The following TMEM244 variants were observed in gnomAD, a reference collection of about 807,000 sequenced individuals.
TMEM244 encodes putative transmembrane protein 244.
Under a neutral mutation model 15.8 loss-of-function variants are expected in TMEM244, and 13 were observed. The ratio of observed to expected loss-of-function variants is 0.82; its 90% confidence interval spans 0.53 to 1.30. TMEM244 has a LOEUF of 1.30. Ranked by LOEUF, TMEM244 falls within the 50% of genes most tolerant of loss-of-function variation. The pLI is 0.00. For missense variants in TMEM244, 161 were observed against 144.9 expected (o/e 1.11, Z -0.57); for synonymous variants, 45 against 48.7 (o/e 0.92, Z 0.32).
chr6:129,847,000 G>A (rs1240114449), intron 1 of TMEM244, among the ~76,000 whole-genome samples: 1 of 152,138 alleles, frequency 6.6e-6, no homozygotes, highest in Non-Finnish European at 1.5e-5. Flanking sequence ...TAAATTTCAA[G>A]GGGATTAAAG....
At position 129,861,257 on chromosome 6, in the gene TMEM244, A is replaced by G. The variant is rs1362068285; in HGVS notation, c.-69T>C. The G allele has an allele frequency of 1.9e-6, 3 of 1,560,902 alleles. No individual in the cohort carries two copies. The highest frequency in any genetic ancestry group is 2.6e-6 in the Non-Finnish European group (3 of 1,135,154). ...ATAGCGATGACATCTGGAAGAAGAC[A>G]CAATTGTCACCGTGAGCTTTTCAAT... On this transcript the variant is annotated 5_prime_UTR_variant, in exon 1 of 5. Coordinates refer to ENST00000368143, the MANE Select transcript of TMEM244 (RefSeq NM_001010876.2).
At chr6:129,834,876 T>C (rs1434725224) in intron 3 of TMEM244, among the ~76,000 whole-genome samples, 1 of 152,158 alleles carries the variant, frequency 6.6e-6, no homozygotes, top group Non-Finnish European at 1.5e-5. Flanking sequence ...GACATTATTG[T>C]AGGGAAACAG....
In TMEM244 at chr6:129,845,843, G is replaced by C. The variant is rs1480093312; in HGVS notation, c.43C>G (p.Gln15Glu). 1 of 1,612,266 alleles carries C rather than the reference G, an allele frequency of 6.2e-7. No individual in the cohort carries two copies. The change falls in exon 2 of 5, where the codon CAG becomes GAG. Residue 15 changes from glutamine to glutamate, a missense_variant. Gln to Glu is a conservative substitution (Grantham distance 29). Transcript: ENST00000368143. ...AGAATGACACATAGAAGAAACTTCT[G>C]CAAAACAACCTGTGGAGAAAACAGG... is the stretch of plus-strand genomic sequence containing the variant. ...VRVAPSKVVL[Q>E]KFLLCVILFY...
intron 1 of TMEM244, among the ~76,000 whole-genome samples, chr6:129,854,406 G>C (rs535070339): frequency 1.3e-5 from 2 of 152,296 alleles, no homozygotes; most frequent in East Asian, 3.9e-4. Flanking sequence ...TAATTATCAA[G>C]TGTTGACATT....
chr6:129,860,308 A>G (rs1776784204), intron 1 of TMEM244, among the ~76,000 whole-genome samples: 1 of 152,178 alleles, frequency 6.6e-6, no homozygotes, highest in South Asian at 2.1e-4. Flanking sequence ...ACGAAGTTTA[A>G]TAACCCCTTA....
At chr6:129,850,029 T>G (rs374411119) in intron 1 of TMEM244, among the ~76,000 whole-genome samples, 1 of 152,302 alleles carries the variant, frequency 6.6e-6, no homozygotes, top group South Asian at 2.1e-4. Flanking sequence ...GTAGAATCCT[T>G]TTTTAGAGAG....
Position 129,861,288 on chromosome 6 carries a change from C to T in TMEM244, c.-100G>A. ...GTCACCGTGAGCTTTTCAATTACTC[C>T]TGGAGACTAAGTGTGAGACGCAGTA... On this transcript the variant is annotated 5_prime_UTR_variant, in exon 1 of 5. Transcript: ENST00000368143. 7.2e-7 allele frequency: 1 copy of T among 1,386,714 alleles called. No individual in the cohort carries two copies. Among genetic ancestry groups the T allele is most frequent in the Non-Finnish European group, 1.0e-6 (1 of 981,816 alleles). The allele number at this position is 1,386,714 out of a possible 1,614,324, so 85.9% of individuals were successfully genotyped here.
chr6:129,840,732 A>G (rs1174563921), intron 3 of TMEM244, among the ~76,000 whole-genome samples: 3 of 152,224 alleles, frequency 2.0e-5, no homozygotes, highest in Admixed American at 6.5e-5. Context: ...AATTTATAAG[A>G]AAAAAGCAAC....
intron 1 of TMEM244, among the ~76,000 whole-genome samples, chr6:129,848,900 GTC>G (rs1776598904): frequency 6.6e-6 from 1 of 152,014 alleles, no homozygotes; most frequent in African/African-American, 2.4e-5. Flanking sequence ...ATAATACATA[GTC>G]TCTATATTAG....
chr6:129,859,891 G>C (rs1227045840), intron 1 of TMEM244, among the ~76,000 whole-genome samples: 1 of 152,172 alleles, frequency 6.6e-6, no homozygotes, highest in Non-Finnish European at 1.5e-5. Flanking sequence ...TTCTTGTGCT[G>C]ATAATATTGA....
intron 3 of TMEM244, among the ~76,000 whole-genome samples, chr6:129,840,580 G>A (rs1776476021): frequency 6.6e-6 from 1 of 152,082 alleles, no homozygotes; most frequent in Non-Finnish European, 1.5e-5. Flanking sequence ...TAGACAAATG[G>A]GATCTAATTA....
intron 2 of TMEM244, among the ~76,000 whole-genome samples, chr6:129,845,119 A>G (rs1776543871): frequency 6.6e-6 from 1 of 152,186 alleles, no homozygotes; most frequent in African/African-American, 2.4e-5. Context: ...TGTCCTCATA[A>G]TAACTCTTTT....
intron 1 of TMEM244, among the ~76,000 whole-genome samples, chr6:129,853,204 T>A (rs1331414139): frequency 3.3e-5 from 5 of 152,308 alleles, no homozygotes. Flanking sequence ...ACTCTCCTCT[T>A]TGGTGCTCCA....
At chr6:129,849,871 G>A (rs1402204270) in intron 1 of TMEM244, among the ~76,000 whole-genome samples, 1 of 152,124 alleles carries the variant, frequency 6.6e-6, no homozygotes, top group East Asian at 1.9e-4. Flanking sequence ...GGTGGGTTAT[G>A]TGTGTGTGTA....
At chr6:129,851,549 C>T (rs9402188) in intron 1 of TMEM244, among the ~76,000 whole-genome samples, 48,717 of 152,020 alleles carry the variant, frequency 0.32, 8,115 homozygotes, top group African/African-American at 0.41. Flanking sequence ...GGATTACAGT[C>T]ATGAGTCACT....
At chr6:129,858,057 C>T (rs557586109) in intron 1 of TMEM244, among the ~76,000 whole-genome samples, 91 of 151,896 alleles carry the variant, frequency 6.0e-4, no homozygotes, top group South Asian at 1.9e-3. Context: ...TTGAACCATC[C>T]GTACATTTTT....
intron 1 of TMEM244, among the ~76,000 whole-genome samples, chr6:129,850,522 A>T (rs9402186): frequency 6.6e-6 from 1 of 152,056 alleles, no homozygotes; most frequent in South Asian, 2.1e-4. Context: ...CAATTTTATC[A>T]ACTAGATGGA....
At chr6:129,860,151 G>C (rs1399570592) in intron 1 of TMEM244, among the ~76,000 whole-genome samples, 1 of 149,032 alleles carries the variant, frequency 6.7e-6, no homozygotes, top group Non-Finnish European at 1.5e-5. Flanking sequence ...GTGTGTGTCT[G>C]TCTGTCTGGT....
At chr6:129,859,507 G>A (rs1268200044) in intron 1 of TMEM244, among the ~76,000 whole-genome samples, 4 of 152,218 alleles carry the variant, frequency 2.6e-5, no homozygotes, top group Non-Finnish European at 5.9e-5. Context: ...GCAGGAATGT[G>A]TTGTGCTTCT....
Sources: allele counts gnomAD v4.1 joint callset (sites outside exome capture counted in the v4.1 genomes callset), GRCh38; gene constraint gnomAD v4.1.1; transcripts MANE v1.5; gene names NCBI Gene and HGNC (gene_info 2026-07-23, HGNC 2026-07-21).